The following SIN3A variants were observed in gnomAD, a reference collection of about 807,000 sequenced individuals.
The protein encoded by SIN3A is paired amphipathic helix protein Sin3a.
In SIN3A, 14 loss-of-function variants were observed where a neutral mutation model predicts 146.1. The observed-to-expected ratio is 0.10, with a 90% CI of 0.06 to 0.15. SIN3A has a LOEUF of 0.15. Ranked by LOEUF, SIN3A falls within the 10% of genes least tolerant of loss-of-function variation. The pLI, the probability that SIN3A is intolerant of heterozygous loss-of-function variation, is 1.00. For missense variants in SIN3A, 1,028 were observed against 1,576.0 expected (o/e 0.65, Z 5.89); for synonymous variants, 572 against 572.0 (o/e 1.00, Z 0.00).
chr15:75,399,355 C>T (rs192060561), intron 12 of SIN3A, among the ~76,000 whole-genome samples: 74 of 152,120 alleles, frequency 4.9e-4, no homozygotes, highest in East Asian at 4.8e-3. Flanking sequence ...GGTGAAACTC[C>T]GTCTCTAATA....
chr15:75,440,937 G>A (rs541481465), intron 1 of SIN3A, among the ~76,000 whole-genome samples: 7 of 145,822 alleles, frequency 4.8e-5, no homozygotes, highest in Admixed American at 3.5e-4. Flanking sequence ...AGCTGAGATC[G>A]CGCCACTGCA....
At position 75,400,787 on chromosome 15, in the gene SIN3A, G is replaced by C. The variant is rs2073397533; in HGVS notation, c.1680C>G (p.Ala560=). 5 of 1,614,084 alleles carry C rather than the reference G, an allele frequency of 3.1e-6. No homozygotes were observed. The East Asian group carries it at 1.1e-4, about 36-fold the overall frequency. ...TGGGCTGCTGGTAACTCTTTGGTAAGGCTCGATAGCTGGAGCCCAATCGTT... is the reference window on the plus strand; with the variant it reads ...TGGGCTGCTGGTAACTCTTTGGTAACGCTCGATAGCTGGAGCCCAATCGTT... ...SCKRLGSSYR[A]LPKSYQQPKC... The change falls in exon 11 of 21, where the codon GCC becomes GCG. Residue 560 remains alanine (A), a synonymous_variant. Transcript: ENST00000394947.
At chr15:75,379,890 GC>G (rs1002712734) in intron 19 of SIN3A, among the ~76,000 whole-genome samples, 1 of 152,194 alleles carries the variant, frequency 6.6e-6, no homozygotes, top group Non-Finnish European at 1.5e-5. Flanking sequence ...GCCTAAGATT[GC>G]TATTCTTTGA....
intron 1 of SIN3A, among the ~76,000 whole-genome samples, chr15:75,448,937 A>G (rs1257103180): frequency 6.6e-6 from 1 of 152,254 alleles, no homozygotes. Flanking sequence ...ACGAAGTGCC[A>G]ATCTTTCTAA....
intron 2 of SIN3A, among the ~76,000 whole-genome samples, chr15:75,423,859 G>C (rs1189519350): frequency 6.6e-6 from 1 of 151,908 alleles, no homozygotes; most frequent in African/African-American, 2.4e-5. Context: ...AGCTGGACGT[G>C]GTAACACGCA....
At chr15:75,387,063 T>A (rs1852336671) in intron 16 of SIN3A, among the ~76,000 whole-genome samples, 2 of 152,146 alleles carry the variant, frequency 1.3e-5, no homozygotes, top group South Asian at 4.1e-4. Flanking sequence ...CGCCTTGGAC[T>A]CCCAAAGTGC....
intron 2 of SIN3A, among the ~76,000 whole-genome samples, chr15:75,425,808 A>C (rs746715555): frequency 1.3e-5 from 2 of 152,216 alleles, no homozygotes; most frequent in Admixed American, 1.3e-4. Flanking sequence ...TTCTCTAAAC[A>C]ATGTTAAGTT....
rs1490299238 is a variant in SIN3A at position 75,389,560 on chromosome 15, T to C, written c.3021+92A>G. On this transcript the variant is annotated intron_variant, in intron 16 of 20. Transcript: ENST00000394947. The stretch of plus-strand genomic sequence containing the variant: ...AACCCTACGTTCATAAACACTGTTA[T>C]ATGAAAAAGTTGCCTTTCCTTTTCC... 24 of 1,205,016 alleles carry C rather than the reference T, an allele frequency of 2.0e-5. 1 individual carries two copies. Among genetic ancestry groups the C allele is most frequent in the African/African-American group, 4.5e-5 (3 of 66,760 alleles). 74.6% of individuals were successfully genotyped at this position (1,205,016 alleles called of 1,614,324 possible). A position where few individuals can be genotyped will look rare whatever the true frequency, so the allele number is the denominator to read the frequency against.
intron 2 of SIN3A, among the ~76,000 whole-genome samples, chr15:75,428,706 A>G (rs1205363267): frequency 2.0e-5 from 3 of 152,074 alleles, no homozygotes; most frequent in African/African-American, 7.2e-5. Flanking sequence ...TATGTTGCCC[A>G]GGCTGATCTC....
At chr15:75,439,518 G>A (rs992966952) in intron 1 of SIN3A, among the ~76,000 whole-genome samples, 1 of 150,584 alleles carries the variant, frequency 6.6e-6, no homozygotes, top group Non-Finnish European at 1.5e-5. Context: ...TTTTTTTTTT[G>A]TATTTTTTAG....
chr15:75,429,334 G>A (rs2073976782), intron 2 of SIN3A, among the ~76,000 whole-genome samples: 1 of 152,090 alleles, frequency 6.6e-6, no homozygotes, highest in Non-Finnish European at 1.5e-5. Context: ...GGCACGGGAG[G>A]ACTGCTTGAG....
At chr15:75,410,363 A>C in intron 6 of SIN3A, 77 bp from the exon 7 acceptor site, 1 of 1,398,808 alleles carries the variant, frequency 7.1e-7, no homozygotes, top group Non-Finnish European at 9.9e-7. Flanking sequence ...TTCTGGAATC[A>C]CTGTTATCTA....
chr15:75,450,426 G>A (rs2141646721), intron 1 of SIN3A, among the ~76,000 whole-genome samples: 1 of 152,196 alleles, frequency 6.6e-6, no homozygotes, highest in African/African-American at 2.4e-5. Flanking sequence ...GGAACCCCAG[G>A]GAAGGTTTTC....
At chr15:75,402,008 T>A (rs1205964976) in intron 9 of SIN3A, 38 bp from the exon 10 acceptor site, 1 of 1,374,348 alleles carries the variant, frequency 7.3e-7, no homozygotes, top group Admixed American at 1.7e-5. Flanking sequence ...GTTTTTGTTT[T>A]TCTTAAAGTG....
At chr15:75,390,394 G>A (rs903399215) in intron 15 of SIN3A, among the ~76,000 whole-genome samples, 59 of 152,198 alleles carry the variant, frequency 3.9e-4, no homozygotes, top group African/African-American at 1.4e-3. Context: ...GATTCGCTAC[G>A]TTGTATTTCA....
rs769453751 is a variant in SIN3A, at chr15:75,384,458, G to A, written c.3022-21C>T. The A allele has an allele frequency of 1.1e-5, 17 of 1,528,278 alleles. No homozygotes were observed. In the African/African-American group the frequency reaches 2.3e-4, roughly 21 times the overall value. 94.7% of individuals were successfully genotyped at this position (1,528,278 alleles called of 1,614,324 possible). ...TGCAGCTGGAAGCAAACAAAGGCAA[G>A]CTTTTAGTGAACACAGAAAACATTT... On this transcript the variant is annotated intron_variant, in intron 16 of 20. Coordinates refer to ENST00000394947, the MANE Select transcript of SIN3A (RefSeq NM_001145358.2).
intron 3 of SIN3A, chr15:75,415,953 T>A (rs932042009): frequency 1.3e-4 from 42 of 330,806 alleles, no homozygotes; most frequent in Non-Finnish European, 4.7e-5. Flanking sequence ...GGGAATAACC[T>A]TGCAGGAAAT....
chr15:75,454,756 G>GGCC (rs1489171587), upstream of SIN3A: 2 of 152,138 alleles, frequency 1.3e-5, no homozygotes, highest in Non-Finnish European at 2.9e-5. Context: ...GCCCGGCGGC[G>GGCC]GCACGGTCGG....
At chr15:75,409,584 C>T (rs990498076) in intron 8 of SIN3A, among the ~76,000 whole-genome samples, 23 of 151,298 alleles carry the variant, frequency 1.5e-4, no homozygotes, top group African/African-American at 5.3e-4. Flanking sequence ...AAAATCAGCC[C>T]GGTATGGTGG....
Sources: allele counts gnomAD v4.1 joint callset (sites outside exome capture counted in the v4.1 genomes callset), GRCh38; gene constraint gnomAD v4.1.1; transcripts MANE v1.5; gene names NCBI Gene and HGNC (gene_info 2026-07-23, HGNC 2026-07-21).